Variants in SLC22A23 observed in about 807,000 individuals in gnomAD.
The protein encoded by SLC22A23 is solute carrier family 22 member 23.
SLC22A23 carries 26 observed loss-of-function variants against 61.0 expected under a neutral mutation model. The observed-to-expected ratio is 0.43, with a 90% CI of 0.31 to 0.59. The LOEUF (loss-of-function observed/expected upper bound fraction) is 0.59, where lower values mean the gene tolerates loss of function less well. Ranked by LOEUF, SLC22A23 falls within the 20% of genes least tolerant of loss-of-function variation. The pLI is 0.11. For synonymous variants in SLC22A23, 430 were observed against 413.9 expected (o/e 1.04, Z -0.47); for missense variants, 796 against 934.7 (o/e 0.85, Z 1.94).
At chr6:3,405,576 C>T (rs1768766302) in intron 3 of SLC22A23, among the ~76,000 whole-genome samples, 1 of 152,050 alleles carries the variant, frequency 6.6e-6, no homozygotes, top group Non-Finnish European at 1.5e-5. Context: ...CTTCATTCCA[C>T]ACTTTGACAA....
At chr6:3,274,073 C>A (rs1057205164) in intron 9 of SLC22A23, among the ~76,000 whole-genome samples, 3 of 152,204 alleles carry the variant, frequency 2.0e-5, no homozygotes, top group African/African-American at 7.2e-5. Context: ...CTCACTGCAG[C>A]TCTGAGCTCA....
chr6:3,370,903 G>A (rs905750130), intron 3 of SLC22A23, among the ~76,000 whole-genome samples: 3 of 152,176 alleles, frequency 2.0e-5, no homozygotes, highest in African/African-American at 2.4e-5. Context: ...TCCCAGCAAC[G>A]TGGCCTTGTT....
At chr6:3,431,112 T>C (rs1309952104) in intron 1 of SLC22A23, among the ~76,000 whole-genome samples, 2 of 147,258 alleles carry the variant, frequency 1.4e-5, no homozygotes, top group African/African-American at 5.0e-5. Context: ...AAACACAGCA[T>C]GTGTGAGGGT....
At chr6:3,359,816 G>C (rs1229287532) in intron 3 of SLC22A23, among the ~76,000 whole-genome samples, 2 of 152,186 alleles carry the variant, frequency 1.3e-5, no homozygotes, top group Non-Finnish European at 2.9e-5. Flanking sequence ...ATCAACAGAT[G>C]AATGGATAAG....
rs1772395030 is a variant in SLC22A23, at chr6:3,456,157, T to A, written c.403A>T (p.Thr135Ser). 1.3e-6 allele frequency: 2 copies of A among 1,550,966 alleles called. No individual in the cohort carries two copies. Among genetic ancestry groups the A allele is most frequent in the Non-Finnish European group, 1.7e-6 (2 of 1,146,824 alleles). Reference protein sequence around the residue: ...NFWCRGAGKGTELAGVTTTGR... With the variant: ...NFWCRGAGKGSELAGVTTTGR... ...GTGGTGGTGACCCCTGCCAGCTCGG[T>A]GCCTTTGCCGGCCCCGCGGCACCAG... Residue 135 changes from threonine to serine, a missense_variant, in exon 1 of 10, where the codon ACC (threonine) becomes TCC (serine). By Grantham distance (58) the Thr-to-Ser change is moderately conservative. Transcript: ENST00000406686. This position sits in a 1 kb window ranked among gnomAD's most constrained non-coding sequence, Gnocchi z 7.1.
rs556895865 is a variant in SLC22A23, at chr6:3,405,450, G to A, written c.913+4738C>T. ...ACCGGGTGGAGACAAAGAGACGACC[G>A]AGCACGTATTCATGCGAAACTTTCC... On this transcript the variant is annotated intron_variant, in intron 3 of 9. Transcript: ENST00000406686. 1.2e-3 allele frequency among the ~76,000 whole-genome samples: 185 copies of A among 152,082 alleles called. 2 individuals are homozygous for A. The highest frequency in any genetic ancestry group is 4.3e-3 in the African/African-American group (177 of 41,472).
chr6:3,437,510 T>C (rs140982022), intron 1 of SLC22A23, among the ~76,000 whole-genome samples: 1,896 of 151,522 alleles, frequency 0.013, 35 homozygotes, highest in African/African-American at 0.044. Flanking sequence ...ACCCCGTCTC[T>C]ACTAAAAACA....
In SLC22A23 at chr6:3,336,064, G is replaced by C. The variant is rs958994213; in HGVS notation, c.914-12062C>G. On this transcript the variant is annotated intron_variant, in intron 3 of 9. Coordinates refer to ENST00000406686, the MANE Select transcript of SLC22A23 (RefSeq NM_015482.2). ...AGATGGCGCCACTGCTCTCCGGCCT[G>C]GGCGAAAGAGCGAGACTCCATCTCA... is the stretch of plus-strand genomic sequence containing the variant. Among the ~76,000 whole-genome samples, 10 of 151,402 alleles carry C rather than the reference G, an allele frequency of 6.6e-5. No homozygotes were observed. The East Asian group carries it at 2.0e-3, about 30-fold the overall frequency.
intron 1 of SLC22A23, among the ~76,000 whole-genome samples, chr6:3,447,583 C>CTTTT (rs757788904): frequency 8.6e-4 from 97 of 113,320 alleles, no homozygotes; most frequent in Non-Finnish European, 1.0e-3. Context: ...AAGAAACTTT[C>CTTTT]TTTTTTTTTT....
chr6:3,344,926 T>C (rs1220225081), intron 3 of SLC22A23, among the ~76,000 whole-genome samples: 1 of 119,366 alleles, frequency 8.4e-6, no homozygotes, highest in Non-Finnish European at 1.7e-5. Flanking sequence ...CTTCCTAGTC[T>C]TGATGTTCAA....
intron 2 of SLC22A23, among the ~76,000 whole-genome samples, chr6:3,412,134 C>T (rs1488412778): frequency 2.0e-5 from 3 of 152,146 alleles, no homozygotes; most frequent in African/African-American, 7.2e-5. Flanking sequence ...GTGCTCATTC[C>T]TTCCTGCGTT....
chr6:3,393,861 G>A (rs578094819), intron 3 of SLC22A23, among the ~76,000 whole-genome samples: 18 of 152,312 alleles, frequency 1.2e-4, no homozygotes, highest in East Asian at 1.9e-4. Context: ...ACGAGGCAAC[G>A]GCCTCTCAGG....
At chr6:3,276,396 G>A (rs1225048044) in intron 9 of SLC22A23, among the ~76,000 whole-genome samples, 2 of 152,090 alleles carry the variant, frequency 1.3e-5, no homozygotes, top group African/African-American at 2.4e-5. Flanking sequence ...CTGGGTCTGC[G>A]CTCCTCCCTG....
Position 3,286,102 on chromosome 6 carries a change from T to A in SLC22A23, c.1546+757A>T. On this transcript the variant is annotated intron_variant, in intron 7 of 9. Coordinates refer to ENST00000406686, the MANE Select transcript of SLC22A23 (RefSeq NM_015482.2). This position sits in a 1 kb window ranked among gnomAD's most constrained non-coding sequence, Gnocchi z 4.2. ...TGGACTCTCTAGCTTTGCCTTAGAT[T>A]TTTTTTTTTTTTTTGAGATGGAGTC... is the stretch of plus-strand genomic sequence containing the variant. Among the ~76,000 whole-genome samples the A allele has an allele frequency of 2.1e-4, 1 of 4,716 alleles. No individual in the cohort carries two copies. Among genetic ancestry groups the A allele is most frequent in the South Asian group, 2.3e-3 (1 of 426 alleles). 3.1% of individuals were successfully genotyped at this position (4,716 alleles called of 152,430 possible).
At chr6:3,358,683 T>C (rs929699391) in intron 3 of SLC22A23, among the ~76,000 whole-genome samples, 1 of 152,172 alleles carries the variant, frequency 6.6e-6, no homozygotes, top group Non-Finnish European at 1.5e-5. Flanking sequence ...GATACTGTGC[T>C]GTACACTGAA....
intron 1 of SLC22A23, among the ~76,000 whole-genome samples, chr6:3,452,314 T>C (rs1772188537): frequency 6.6e-6 from 1 of 152,154 alleles, no homozygotes; most frequent in African/African-American, 2.4e-5. Context: ...CTGCTATTAG[T>C]CTGGCTGGTG....
At chr6:3,300,311 A>G (rs745582093) in intron 4 of SLC22A23, among the ~76,000 whole-genome samples, 9 of 152,036 alleles carry the variant, frequency 5.9e-5, no homozygotes, top group African/African-American at 2.2e-4. Context: ...GCCCGGACTC[A>G]GGAGAGTTTT....
At chr6:3,413,977 G>T (rs527792990) in intron 2 of SLC22A23, among the ~76,000 whole-genome samples, 1 of 152,316 alleles carries the variant, frequency 6.6e-6, no homozygotes, top group African/African-American at 2.4e-5. Context: ...AATGGTTTGC[G>T]ATGTCAGACT....
chr6:3,323,127 G>A (rs540110437), intron 4 of SLC22A23: 19 of 396,308 alleles, frequency 4.8e-5, no homozygotes, highest in African/African-American at 1.7e-4. Context: ...CCGTACTGCC[G>A]GCAAAGCTAG....
Sources: allele counts gnomAD v4.1 joint callset (sites outside exome capture counted in the v4.1 genomes callset), GRCh38; gene constraint gnomAD v4.1.1; non-coding constraint Gnocchi (gnomAD v3.1); transcripts MANE v1.5; gene names NCBI Gene and HGNC (gene_info 2026-07-23, HGNC 2026-07-21).